CTNNA2: variants seen among roughly 807,000 people sequenced by gnomAD.
CTNNA2 encodes the protein catenin alpha 2.
CTNNA2 carries 42 observed loss-of-function variants against 101.0 expected under a neutral mutation model. The ratio of observed to expected loss-of-function variants is 0.42; its 90% CI spans 0.32 to 0.54. CTNNA2 has a LOEUF of 0.54. Ranked by LOEUF, CTNNA2 falls within the 20% of genes least tolerant of loss-of-function variation. The pLI, the probability that CTNNA2 is intolerant of heterozygous loss-of-function variation, is 0.14. For missense variants in CTNNA2, 871 were observed against 1,223.1 expected (o/e 0.71, Z 4.29); for synonymous variants, 450 against 456.4 (o/e 0.99, Z 0.18).
chr2:80,300,002 T>C (rs1676098441), intron 7 of CTNNA2, among the ~76,000 whole-genome samples: 1 of 151,950 alleles, frequency 6.6e-6, no homozygotes, highest in African/African-American at 2.4e-5. Flanking sequence ...CTAGAGGAGG[T>C]CGCTTTAGTA....
At chr2:80,085,949 C>T (rs886441712) in intron 7 of CTNNA2, among the ~76,000 whole-genome samples, 21 of 151,862 alleles carry the variant, frequency 1.4e-4, no homozygotes, top group African/African-American at 4.1e-4. Context: ...TGTATGCCTA[C>T]GGTTAAACTT....
chr2:79,987,351 G>A (rs1356228092), intron 7 of CTNNA2, among the ~76,000 whole-genome samples: 2 of 152,150 alleles, frequency 1.3e-5, no homozygotes, highest in African/African-American at 4.8e-5. Flanking sequence ...TCTCATTGAA[G>A]CAGCTTGATG....
At chr2:80,243,069 G>T (rs1558935460) in intron 7 of CTNNA2, among the ~76,000 whole-genome samples, 1 of 152,162 alleles carries the variant, frequency 6.6e-6, no homozygotes, top group Non-Finnish European at 1.5e-5. Context: ...GTTTAGAGAA[G>T]AGACCAACAT....
intron 18 of CTNNA2, among the ~76,000 whole-genome samples, chr2:80,628,989 C>A (rs1671985927): frequency 6.6e-6 from 1 of 152,114 alleles, no homozygotes; most frequent in Admixed American, 6.6e-5. Flanking sequence ...GCCCCATTTT[C>A]TCAGCTGTAA....
chr2:80,224,065 C>G (rs759741326), intron 7 of CTNNA2, among the ~76,000 whole-genome samples: 2 of 152,186 alleles, frequency 1.3e-5, no homozygotes, highest in Non-Finnish European at 2.9e-5. Flanking sequence ...TAGCTGCTCA[C>G]TTCCCATGAC....
intron 7 of CTNNA2, among the ~76,000 whole-genome samples, chr2:80,365,860 T>C (rs992795958): frequency 3.9e-5 from 6 of 152,180 alleles, no homozygotes; most frequent in African/African-American, 7.2e-5. Flanking sequence ...ATTAAGACTT[T>C]CAATGAATCA....
At chr2:80,138,804 T>C (rs569904005) in intron 7 of CTNNA2, among the ~76,000 whole-genome samples, 3 of 152,254 alleles carry the variant, frequency 2.0e-5, no homozygotes, top group Admixed American at 2.0e-4. Context: ...ACACTAAAAT[T>C]GTTAGCTAAT....
intron 9 of CTNNA2, among the ~76,000 whole-genome samples, chr2:80,506,505 G>C (rs965567218): frequency 6.6e-6 from 1 of 152,160 alleles, no homozygotes; most frequent in African/African-American, 2.4e-5. Flanking sequence ...ACAATGGCTT[G>C]TTGGGCAATT....
intron 9 of CTNNA2, among the ~76,000 whole-genome samples, chr2:80,429,474 C>A (rs1681290315): frequency 6.6e-6 from 1 of 152,192 alleles, no homozygotes; most frequent in Non-Finnish European, 1.5e-5. Flanking sequence ...ACACTGCCCC[C>A]AGGCTCTTAT....
At chr2:80,146,716 T>TTTTTG in intron 7 of CTNNA2, among the ~76,000 whole-genome samples, 1 of 76,252 alleles carries the variant, frequency 1.3e-5, no homozygotes, top group Non-Finnish European at 2.4e-5. Context: ...TCTGGTTTTT[T>TTTTTG]TTTTTTTTTT....
chr2:80,376,466 G>GAAAA (rs5832451), intron 7 of CTNNA2, among the ~76,000 whole-genome samples: 1 of 125,606 alleles, frequency 8.0e-6, no homozygotes, highest in African/African-American at 2.8e-5. Flanking sequence ...GTAGAAACAG[G>GAAAA]AAAAAAAAAA....
At chr2:79,615,950 T>A (rs11904608) in intron 1 of CTNNA2, among the ~76,000 whole-genome samples, 3,208 of 152,312 alleles carry the variant, frequency 0.021, 121 homozygotes, top group African/African-American at 0.073. Flanking sequence ...AGCTTCCCCA[T>A]AGCTGCGTGC....
intron 2 of CTNNA2, among the ~76,000 whole-genome samples, chr2:79,219,553 C>G (rs930814473): frequency 6.6e-6 from 1 of 152,128 alleles, no homozygotes; most frequent in Non-Finnish European, 1.5e-5. Context: ...CTTTAAGGAT[C>G]TGCTTGTACG....
At chr2:79,254,419 C>T (rs1674814994) in intron 2 of CTNNA2, among the ~76,000 whole-genome samples, 1 of 152,070 alleles carries the variant, frequency 6.6e-6, no homozygotes. Flanking sequence ...AGTCAGTTCT[C>T]ATGAGACCTG....
At chr2:80,369,681 G>A (rs541209270) in intron 7 of CTNNA2, among the ~76,000 whole-genome samples, 16 of 152,160 alleles carry the variant, frequency 1.1e-4, no homozygotes, top group Non-Finnish European at 1.9e-4. Flanking sequence ...GAGTGTCTTG[G>A]ATTATCAGGT....
At chr2:79,257,494 A>C (rs945425793) in intron 2 of CTNNA2, among the ~76,000 whole-genome samples, 1 of 149,218 alleles carries the variant, frequency 6.7e-6, no homozygotes, top group South Asian at 2.2e-4. Flanking sequence ...GGGAGAAAGT[A>C]GGTTAAAAAA....
At chr2:79,575,162 C>T (rs1675710661) in intron 1 of CTNNA2, among the ~76,000 whole-genome samples, 1 of 152,090 alleles carries the variant, frequency 6.6e-6, no homozygotes, top group African/African-American at 2.4e-5. Flanking sequence ...AAGCAGAATC[C>T]TATGATGGAA....
At chr2:79,367,041 G>C (rs900860364) in intron 3 of CTNNA2, among the ~76,000 whole-genome samples, 1 of 152,148 alleles carries the variant, frequency 6.6e-6, no homozygotes, top group African/African-American at 2.4e-5. Flanking sequence ...TGGAGCCTTT[G>C]AGAGTTAATT....
At chr2:80,629,254 C>G (rs1672023508) in intron 18 of CTNNA2, among the ~76,000 whole-genome samples, 1 of 152,240 alleles carries the variant, frequency 6.6e-6, no homozygotes, top group South Asian at 2.1e-4. Context: ...GAATCAAGGT[C>G]TCTGCTGTCA....
Sources: gnomAD v4.1 joint callset for allele counts (sites outside exome capture counted in the v4.1 genomes callset) on GRCh38, gnomAD v4.1.1 for gene constraint, MANE v1.5 for transcripts, NCBI Gene and HGNC (gene_info 2026-07-23, HGNC 2026-07-21) for gene names.